SMYD3: variants seen among roughly 807,000 people sequenced by gnomAD.
SMYD3 encodes the protein histone-lysine N-methyltransferase SMYD3.
In SMYD3, 36 loss-of-function variants were observed where a neutral mutation model predicts 57.7. The ratio of observed to expected loss-of-function variants is 0.62; its 90% confidence interval spans 0.48 to 0.82. SMYD3 has a LOEUF of 0.82. Ranked by LOEUF, SMYD3 falls within the 40% of genes least tolerant of loss-of-function variation. SMYD3 has a pLI of 0.00. For synonymous variants in SMYD3, 211 were observed against 195.0 expected, an observed-to-expected ratio of 1.08 and a Z score of -0.68; for missense variants, 515 against 538.8, an observed-to-expected ratio of 0.96 and a Z score of 0.44.
At chr1:245,983,926 G>C (rs540315146) in intron 5 of SMYD3, among the ~76,000 whole-genome samples, 7 of 151,864 alleles carry the variant, frequency 4.6e-5, no homozygotes, top group African/African-American at 1.7e-4. Context: ...TCATATTATA[G>C]GTCAATTAGA....
At chr1:246,167,060 C>A (rs1236804435) in intron 5 of SMYD3, among the ~76,000 whole-genome samples, 1 of 152,176 alleles carries the variant, frequency 6.6e-6, no homozygotes, top group Admixed American at 6.5e-5. Flanking sequence ...TGTCTGGCTC[C>A]CTTCATTAAG....
At chr1:246,252,688 G>A (rs1379925245) in intron 5 of SMYD3, among the ~76,000 whole-genome samples, 1 of 152,176 alleles carries the variant, frequency 6.6e-6, no homozygotes, top group East Asian at 1.9e-4. Context: ...TGTAGGGACT[G>A]TTATATATGA....
chr1:246,085,823 A>C (rs1268812669), intron 5 of SMYD3, among the ~76,000 whole-genome samples: 6 of 152,104 alleles, frequency 3.9e-5, no homozygotes, highest in African/African-American at 1.4e-4. Flanking sequence ...CAGGAAAGAT[A>C]CTTTTCCTCC....
At chr1:245,904,642 G>C (rs1282839087) in intron 8 of SMYD3, among the ~76,000 whole-genome samples, 4 of 152,124 alleles carry the variant, frequency 2.6e-5, no homozygotes, top group Non-Finnish European at 5.9e-5. Flanking sequence ...TGGCCTCTAA[G>C]TAAACCTGAA....
chr1:245,957,760 T>C (rs1471603260), intron 5 of SMYD3, among the ~76,000 whole-genome samples: 2 of 152,222 alleles, frequency 1.3e-5, no homozygotes, highest in African/African-American at 4.8e-5. Context: ...CTTCTGAGTA[T>C]CCTCATCATC....
intron 8 of SMYD3, among the ~76,000 whole-genome samples, chr1:245,914,394 G>A (rs1384627200): frequency 6.6e-6 from 1 of 152,174 alleles, no homozygotes; most frequent in East Asian, 1.9e-4. Context: ...ATGGAAAAAT[G>A]GATAAAGAAA....
intron 10 of SMYD3, among the ~76,000 whole-genome samples, chr1:245,836,541 G>A (rs1214841971): frequency 6.6e-6 from 1 of 152,302 alleles, no homozygotes; most frequent in East Asian, 1.9e-4. Context: ...GGGTTTGTGT[G>A]TTCCATCCGC....
At chr1:246,171,270 G>GT (rs992384730) in intron 5 of SMYD3, among the ~76,000 whole-genome samples, 1 of 152,142 alleles carries the variant, frequency 6.6e-6, no homozygotes, top group African/African-American at 2.4e-5. Context: ...CCTATCAATT[G>GT]TTTTTTATCT....
At chr1:246,095,483 T>G (rs1378705137) in intron 5 of SMYD3, among the ~76,000 whole-genome samples, 1 of 152,092 alleles carries the variant, frequency 6.6e-6, no homozygotes, top group Non-Finnish European at 1.5e-5. Flanking sequence ...GAGCACAGAT[T>G]AGGAAGACAA....
intron 5 of SMYD3, among the ~76,000 whole-genome samples, chr1:246,041,177 T>C (rs1242856271): frequency 2.6e-5 from 4 of 152,192 alleles, no homozygotes; most frequent in African/African-American, 9.6e-5. Context: ...AGGTGTATAG[T>C]GGGCTATACC....
intron 5 of SMYD3, among the ~76,000 whole-genome samples, chr1:246,011,314 G>T (rs1319059104): frequency 6.6e-6 from 1 of 152,114 alleles, no homozygotes; most frequent in Non-Finnish European, 1.5e-5. Context: ...TTCTGCCTGA[G>T]CTTTGACTTT....
intron 11 of SMYD3, among the ~76,000 whole-genome samples, chr1:245,751,574 GAGAAAGAGAGAGAGAGAGAA>G (rs1196883321): frequency 9.2e-6 from 1 of 108,870 alleles, no homozygotes; most frequent in African/African-American, 5.7e-5. Flanking sequence ...CAGAGAGAAA[GAGAAAGAGAGAGAGAGAGAA>G]AGAGAGAGAG....
chr1:246,125,936 T>A lies in SMYD3; in HGVS notation c.532-195999A>T, dbSNP rs115708446. Among the ~76,000 whole-genome samples the A allele has an allele frequency of 7.3e-3, 1,111 of 152,278 alleles. 11 individuals carry two copies. Among genetic ancestry groups the A allele is most frequent in the South Asian group, 0.037 (176 of 4,812 alleles). ...AACTACCTATCCACTGTATCCATTT[T>A]ATACACAACAAACTTTGAGGAATCT... On this transcript the variant is annotated intron_variant, in intron 5 of 11. Transcript: ENST00000490107.
intron 10 of SMYD3, among the ~76,000 whole-genome samples, chr1:245,774,230 A>G (rs891327211): frequency 4.6e-5 from 7 of 152,228 alleles, no homozygotes; most frequent in Non-Finnish European, 1.0e-4. Context: ...TTGGGGGACA[A>G]AAGAGCAAGC....
intron 1 of SMYD3, among the ~76,000 whole-genome samples, chr1:246,491,487 C>A (rs2068270057): frequency 6.6e-6 from 1 of 151,234 alleles, no homozygotes; most frequent in African/African-American, 2.4e-5. Flanking sequence ...TGGCAGTGAG[C>A]CGAGATCGCA....
intron 5 of SMYD3, among the ~76,000 whole-genome samples, chr1:246,228,326 C>T (rs111510603): frequency 1.6e-4 from 25 of 152,146 alleles, no homozygotes; most frequent in African/African-American, 6.0e-4. Context: ...GGCAATTCAA[C>T]TGGCTTCCAT....
At chr1:245,764,585 T>A (rs927551163) in intron 10 of SMYD3, among the ~76,000 whole-genome samples, 6 of 151,858 alleles carry the variant, frequency 4.0e-5, no homozygotes, top group African/African-American at 1.5e-4. Context: ...GTTTTCATCA[T>A]CCCCCAACTA....
intron 5 of SMYD3, among the ~76,000 whole-genome samples, chr1:246,014,154 C>A (rs2059335566): frequency 6.6e-6 from 1 of 152,304 alleles, no homozygotes; most frequent in Non-Finnish European, 1.5e-5. Flanking sequence ...GAAACCCCGT[C>A]TCTACTAAAA....
intron 10 of SMYD3, among the ~76,000 whole-genome samples, chr1:245,828,473 T>C (rs1035738385): frequency 3.9e-5 from 6 of 152,182 alleles, no homozygotes; most frequent in Non-Finnish European, 8.8e-5. Flanking sequence ...ATGAAACACT[T>C]GAACACATTA....
Sources: gnomAD v4.1 joint callset for allele counts (sites outside exome capture counted in the v4.1 genomes callset) on GRCh38, gnomAD v4.1.1 for gene constraint, MANE v1.5 for transcripts, NCBI Gene and HGNC (gene_info 2026-07-23, HGNC 2026-07-21) for gene names.